EFNB2: variants seen among roughly 807,000 people sequenced by gnomAD.
EFNB2 encodes the protein ephrin-B2.
Under a neutral mutation model 32.1 loss-of-function variants are expected in EFNB2, and 5 were observed. The ratio of observed to expected loss-of-function variants is 0.16; its 90% CI spans 0.08 to 0.33. EFNB2 has a LOEUF of 0.33. EFNB2 is among the 10% of genes least tolerant of loss of function. The pLI is 1.00. For missense variants in EFNB2, 263 were observed against 422.6 expected, an observed-to-expected ratio of 0.62 and a Z score of 3.31; for synonymous variants, 168 against 166.5, an observed-to-expected ratio of 1.01 and a Z score of -0.07.
intron 1 of EFNB2, among the ~76,000 whole-genome samples, chr13:106,530,480 C>G (rs1879833346): frequency 6.6e-6 from 1 of 152,192 alleles, no homozygotes; most frequent in East Asian, 1.9e-4. Context: ...ATGTCAGCAG[C>G]AAAGGCAGGC....
intron 1 of EFNB2, among the ~76,000 whole-genome samples, chr13:106,529,415 C>G (rs1184371233): frequency 6.6e-6 from 1 of 152,148 alleles, no homozygotes; most frequent in Non-Finnish European, 1.5e-5. Flanking sequence ...TTAATCAGCC[C>G]CAATCTCAAT....
At chr13:106,504,498 C>A (rs1477896551) in intron 2 of EFNB2, among the ~76,000 whole-genome samples, 1 of 152,130 alleles carries the variant, frequency 6.6e-6, no homozygotes, top group Non-Finnish European at 1.5e-5. Context: ...AATAAGGTGC[C>A]CCTATCTAAA....
chr13:106,514,465 G>T (rs1879248697), intron 1 of EFNB2, among the ~76,000 whole-genome samples: 1 of 152,126 alleles, frequency 6.6e-6, no homozygotes, highest in South Asian at 2.1e-4. Context: ...GAATGTTTGG[G>T]ATGAGGCTAA....
chr13:106,494,399 G>A (rs1878520743), intron 4 of EFNB2, among the ~76,000 whole-genome samples: 1 of 152,030 alleles, frequency 6.6e-6, no homozygotes, highest in Admixed American at 6.6e-5. Flanking sequence ...TCTTTTACAT[G>A]GAAAATGTGA....
intron 2 of EFNB2, among the ~76,000 whole-genome samples, chr13:106,508,247 A>G (rs955665173): frequency 6.6e-6 from 1 of 152,178 alleles, no homozygotes; most frequent in African/African-American, 2.4e-5. Context: ...CTACGAACAC[A>G]AGAAGGCTTT....
chr13:106,501,293 C>T (rs1878768950), intron 2 of EFNB2, among the ~76,000 whole-genome samples: 1 of 151,816 alleles, frequency 6.6e-6, no homozygotes. Context: ...GAAACAGAAA[C>T]ATCTATTTAA....
chr13:106,510,611 C>T (rs1416501714), intron 2 of EFNB2, among the ~76,000 whole-genome samples: 3 of 151,092 alleles, frequency 2.0e-5, no homozygotes, highest in Non-Finnish European at 1.5e-5. Context: ...TTCTTTCTCC[C>T]ACCCCACCTA....
chr13:106,532,515 C>A (rs528268565), intron 1 of EFNB2, among the ~76,000 whole-genome samples: 1 of 152,330 alleles, frequency 6.6e-6, no homozygotes, highest in Non-Finnish European at 1.5e-5. Context: ...AGGAAAGCGA[C>A]CCCCTGTCAT....
chr13:106,515,192 G>A (rs1178595027), intron 1 of EFNB2, among the ~76,000 whole-genome samples: 1 of 152,152 alleles, frequency 6.6e-6, no homozygotes, highest in Non-Finnish European at 1.5e-5. Flanking sequence ...CGCAGGGGTC[G>A]GTGTGGCTTT....
rs1417505468 is a variant in EFNB2, at chr13:106,518,162, A to AC, written c.123-5351dup. On this transcript the variant is annotated intron_variant, in intron 1 of 4. Transcript: ENST00000646441. This position sits in a 1 kb window ranked among gnomAD's most constrained non-coding sequence, Gnocchi z 4.1. ...AGACCAGCCTGGCCAAGATGGTAAA[A>AC]CCCCGTCTCTATTAAAAATACAACA... 1.3e-5 allele frequency: 2 copies of AC among 152,096 alleles called. No individual in the cohort carries two copies. Among genetic ancestry groups the AC allele is most frequent in the African/African-American group, 2.4e-5 (1 of 41,406 alleles). 9.4% of individuals were successfully genotyped at this position (152,096 alleles called of 1,614,324 possible).
At chr13:106,525,219 A>T (rs1190324310) in intron 1 of EFNB2, among the ~76,000 whole-genome samples, 1 of 152,192 alleles carries the variant, frequency 6.6e-6, no homozygotes, top group Non-Finnish European at 1.5e-5. Context: ...CAACTGAGAG[A>T]CACTAAGGCT....
intron 1 of EFNB2, among the ~76,000 whole-genome samples, chr13:106,522,872 G>A (rs1328959437): frequency 6.6e-6 from 1 of 152,132 alleles, no homozygotes; most frequent in African/African-American, 2.4e-5. Context: ...CAGGTACCTT[G>A]CATAAATAGG....
intron 1 of EFNB2, among the ~76,000 whole-genome samples, chr13:106,529,843 T>G (rs749941408): frequency 1.9e-4 from 29 of 152,248 alleles, no homozygotes; most frequent in Non-Finnish European, 3.8e-4. Context: ...GATCAGTTTC[T>G]TTATACTCTG....
In EFNB2 at chr13:106,511,507, C is replaced by T. The variant is rs113376797; in HGVS notation, c.406+1022G>A. 3.8e-3 allele frequency among the ~76,000 whole-genome samples: 580 copies of T among 152,134 alleles called. 4 individuals are homozygous for T. The highest frequency in any genetic ancestry group is 0.013 in the African/African-American group (552 of 41,486). ...AAAAAAATAAAATAACAATAAAGTG[C>T]GGCTCATAGGTTGAGATGCAAGAGT... On this transcript the variant is annotated intron_variant, in intron 2 of 4. Transcript: ENST00000646441.
intron 2 of EFNB2, among the ~76,000 whole-genome samples, chr13:106,505,232 G>A (rs965098228): frequency 6.6e-6 from 1 of 152,164 alleles, no homozygotes; most frequent in Non-Finnish European, 1.5e-5. Context: ...ATACTCTGCT[G>A]TCTCTACATA....
intron 1 of EFNB2, among the ~76,000 whole-genome samples, chr13:106,522,997 T>C (rs893630977): frequency 2.0e-5 from 3 of 152,238 alleles, no homozygotes; most frequent in African/African-American, 7.2e-5. Flanking sequence ...CAATCAAGTA[T>C]AATCAGCCCA....
chr13:106,534,707 G>C, intron 1 of EFNB2, 136 bp downstream of exon 1: 1 of 1,012,160 alleles, frequency 9.9e-7, no homozygotes, highest in South Asian at 1.7e-5. Flanking sequence ...AAATGGGGCG[G>C]GGGTTGGGGG....
At chr13:106,527,897 G>A (rs929657832) in intron 1 of EFNB2, among the ~76,000 whole-genome samples, 3 of 152,226 alleles carry the variant, frequency 2.0e-5, no homozygotes, top group African/African-American at 7.2e-5. Flanking sequence ...GAAAGCTGGA[G>A]GCCAGGGCAA....
intron 2 of EFNB2, among the ~76,000 whole-genome samples, chr13:106,501,152 ATGCCTTGAG>A (rs1161558111): frequency 1.3e-5 from 2 of 152,232 alleles, no homozygotes; most frequent in East Asian, 3.8e-4. Context: ...ATGTAGTTGA[ATGCCTTGAG>A]TTTCACAGTT....
Sources: gnomAD v4.1 joint callset for allele counts (sites outside exome capture counted in the v4.1 genomes callset) on GRCh38, gnomAD v4.1.1 for gene constraint, Gnocchi (gnomAD v3.1) non-coding constraint, MANE v1.5 for transcripts, NCBI Gene and HGNC (gene_info 2026-07-23, HGNC 2026-07-21) for gene names.